Variants in RABEP1 observed in about 807,000 individuals in gnomAD.
RABEP1 encodes rabaptin, RAB GTPase binding effector protein 1.
RABEP1 carries 51 observed loss-of-function variants against 123.4 expected under a neutral mutation model. That is an observed-to-expected ratio of 0.41 (90% CI 0.33 to 0.52). The LOEUF is 0.52. Among genes scored for constraint, RABEP1 ranks in the 20% least tolerant of loss-of-function variants. The pLI, the probability that RABEP1 is intolerant of heterozygous loss-of-function variation, is 0.16. For missense variants in RABEP1, 888 were observed against 996.3 expected, an observed-to-expected ratio of 0.89 and a Z score of 1.46; for synonymous variants, 347 against 355.2, an observed-to-expected ratio of 0.98 and a Z score of 0.26.
At chr17:5,307,020 T>C (rs1406085387) in intron 1 of RABEP1, among the ~76,000 whole-genome samples, 2 of 152,098 alleles carry the variant, frequency 1.3e-5, no homozygotes, top group East Asian at 3.9e-4. Flanking sequence ...GAAGAGAACT[T>C]TGAGAAGCTT....
At chr17:5,320,602 G>T (rs1047717322) in intron 2 of RABEP1, among the ~76,000 whole-genome samples, 3 of 152,156 alleles carry the variant, frequency 2.0e-5, no homozygotes, top group Non-Finnish European at 4.4e-5. Context: ...ATACATGTAA[G>T]TTGAGACAAC....
In RABEP1 at chr17:5,373,696, A is replaced by AC. The variant is rs777772153; in HGVS notation, c.2025+243dup. Among the ~76,000 whole-genome samples the AC allele has an allele frequency of 9.0e-3, 553 of 61,772 alleles. 1 individual carries two copies. The highest frequency in any genetic ancestry group is 0.011 in the Middle Eastern group (1 of 94). 40.5% of individuals were successfully genotyped at this position (61,772 alleles called of 152,430 possible). A position where few individuals can be genotyped will look rare whatever the true frequency, so the allele number is the denominator to read the frequency against. ...TGTGACCCGACTACACCAGCTAAAC[A>AC]CACACACACACACACACACACACAC... On this transcript the variant is annotated intron_variant, in intron 13 of 17. Transcript: ENST00000537505.
At chr17:5,368,215 A>G (rs1308331904) in intron 11 of RABEP1, among the ~76,000 whole-genome samples, 155 bp from the exon 12 acceptor site, 3 of 152,256 alleles carry the variant, frequency 2.0e-5, no homozygotes, top group East Asian at 1.9e-4. Context: ...GGCTTTGCAC[A>G]TAGCAGATGT....
At chr17:5,303,423 G>GT (rs1281751840) in intron 1 of RABEP1, among the ~76,000 whole-genome samples, 6 of 152,090 alleles carry the variant, frequency 3.9e-5, no homozygotes, top group South Asian at 2.1e-4. Flanking sequence ...TGTATTTTTG[G>GT]TAGAGACAGG....
At chr17:5,296,124 A>T (rs556405114) in intron 1 of RABEP1, among the ~76,000 whole-genome samples, 1 of 152,226 alleles carries the variant, frequency 6.6e-6, no homozygotes, top group East Asian at 1.9e-4. Flanking sequence ...CTTCAGATGA[A>T]CTCAACTTGG....
At chr17:5,374,917 C>T (rs1315032909) in intron 13 of RABEP1, among the ~76,000 whole-genome samples, 1 of 152,168 alleles carries the variant, frequency 6.6e-6, no homozygotes, top group Non-Finnish European at 1.5e-5. Context: ...GCGGGGATTA[C>T]AGGCATCAGC....
intron 13 of RABEP1, among the ~76,000 whole-genome samples, chr17:5,376,667 TTGAA>T (rs1398380537): frequency 9.2e-5 from 14 of 152,164 alleles, no homozygotes; most frequent in Admixed American, 2.6e-4. Context: ...TAGTAAATGT[TTGAA>T]TGAATGAATA....
intron 12 of RABEP1, among the ~76,000 whole-genome samples, chr17:5,369,252 C>A (rs1043800554): frequency 6.6e-6 from 1 of 152,148 alleles, no homozygotes; most frequent in Non-Finnish European, 1.5e-5. Context: ...CCGGCTAGAG[C>A]CTTTGCAGAT....
intron 1 of RABEP1, among the ~76,000 whole-genome samples, chr17:5,306,857 G>A (rs62075064): frequency 6.6e-6 from 1 of 152,154 alleles, no homozygotes; most frequent in Non-Finnish European, 1.5e-5. Flanking sequence ...TATATCTCAT[G>A]TAATTTATTG....
At chr17:5,331,656 AT>A (rs1274626540) in intron 2 of RABEP1, among the ~76,000 whole-genome samples, 1 of 152,154 alleles carries the variant, frequency 6.6e-6, no homozygotes, top group Non-Finnish European at 1.5e-5. Context: ...TTTAACTTCC[AT>A]TTTGCAGATG....
At chr17:5,354,899 T>TAA (rs1300078253) in intron 8 of RABEP1, among the ~76,000 whole-genome samples, 33 of 152,250 alleles carry the variant, frequency 2.2e-4, no homozygotes, top group African/African-American at 7.9e-4. Context: ...AGTATTAGGT[T>TAA]TTCATCCCTG....
intron 1 of RABEP1, among the ~76,000 whole-genome samples, chr17:5,303,369 G>A (rs1401308782): frequency 6.6e-6 from 1 of 152,054 alleles, no homozygotes; most frequent in Non-Finnish European, 1.5e-5. Flanking sequence ...AGTCCCCCAA[G>A]TAGCTGAGAT....
chr17:5,385,327 G>A lies in RABEP1; in HGVS notation c.*2104G>A. The A allele has an allele frequency of 4.3e-6, 1 of 230,980 alleles. No individual in the cohort carries two copies. The highest frequency in any genetic ancestry group is 8.6e-6 in the Non-Finnish European group (1 of 116,698). 14.3% of individuals were successfully genotyped at this position (230,980 alleles called of 1,614,324 possible). A position where few individuals can be genotyped will look rare whatever the true frequency, so the allele number is the denominator to read the frequency against. On this transcript the variant is annotated 3_prime_UTR_variant, in exon 18 of 18. Coordinates refer to ENST00000537505, the MANE Select transcript of RABEP1 (RefSeq NM_004703.6). Reference sequence around the variant, plus strand: ...TCTAGGCAAAAGAAAAGCTCAGTTGGGTTTCACGAGTGTTCCTGTGCTTAT... The same window carrying A: ...TCTAGGCAAAAGAAAAGCTCAGTTGAGTTTCACGAGTGTTCCTGTGCTTAT...
At chr17:5,316,933 C>T (rs1200027534) in intron 2 of RABEP1, among the ~76,000 whole-genome samples, 1 of 149,956 alleles carries the variant, frequency 6.7e-6, no homozygotes, top group African/African-American at 2.5e-5. Flanking sequence ...GAGATGAAGT[C>T]TTGCTCTGTC....
chr17:5,337,931 T>C (rs752387185), intron 4 of RABEP1, 88 bp from the exon 5 acceptor site: 31 of 1,397,724 alleles, frequency 2.2e-5, no homozygotes, highest in African/African-American at 7.3e-5. Context: ...TTACTTGTTA[T>C]AATAATTTTT....
chr17:5,363,099 A>T, intron 10 of RABEP1, 83 bp downstream of exon 10: 1 of 981,834 alleles, frequency 1.0e-6, no homozygotes, highest in Non-Finnish European at 1.6e-6. Context: ...CTCCGGCCCC[A>T]GCCCCATTTA....
chr17:5,317,017 G>T (rs946009286), intron 2 of RABEP1, among the ~76,000 whole-genome samples: 1 of 151,822 alleles, frequency 6.6e-6, no homozygotes, highest in Admixed American at 6.6e-5. Context: ...CGATTCTCCT[G>T]CCCTAGCCTC....
At chr17:5,327,347 CAAAA>C (rs772982752) in intron 2 of RABEP1, among the ~76,000 whole-genome samples, 12 of 75,248 alleles carry the variant, frequency 1.6e-4, no homozygotes, top group East Asian at 3.7e-4. Flanking sequence ...GATTCTGTCT[CAAAA>C]AAAAAAAAAA....
chr17:5,360,587 C>A (rs189235445), intron 8 of RABEP1, among the ~76,000 whole-genome samples: 6 of 152,150 alleles, frequency 3.9e-5, no homozygotes, highest in Non-Finnish European at 7.4e-5. Flanking sequence ...ACTACGTTCT[C>A]GTCATTTCCT....
Sources: allele counts gnomAD v4.1 joint callset (sites outside exome capture counted in the v4.1 genomes callset), GRCh38; gene constraint gnomAD v4.1.1; transcripts MANE v1.5; gene names NCBI Gene and HGNC (gene_info 2026-07-23, HGNC 2026-07-21).